Variants in ILRUN observed in about 807,000 individuals in gnomAD.
ILRUN encodes protein ILRUN.
Under a neutral mutation model 33.8 loss-of-function variants are expected in ILRUN, and 3 were observed. The ratio of observed to expected loss-of-function variants is 0.09; its 90% confidence interval spans 0.04 to 0.23. The LOEUF is 0.23. Ranked by LOEUF, ILRUN falls within the 10% of genes least tolerant of loss-of-function variation. ILRUN has a pLI of 1.00. For synonymous variants in ILRUN, 124 were observed against 138.9 expected (o/e 0.89, Z 0.75); for missense variants, 210 against 375.1 (o/e 0.56, Z 3.64).
chr6:34,659,431 C>T (rs1762842856), intron 1 of ILRUN, among the ~76,000 whole-genome samples: 1 of 152,072 alleles, frequency 6.6e-6, no homozygotes, highest in South Asian at 2.1e-4. Flanking sequence ...AAAGTTTTAA[C>T]CTACCCAGAA....
At chr6:34,631,213 T>G (rs377353289) in intron 3 of ILRUN, among the ~76,000 whole-genome samples, 2 of 152,278 alleles carry the variant, frequency 1.3e-5, no homozygotes, top group East Asian at 3.9e-4. Context: ...TAAAAGAAAC[T>G]GTAGTAAAGA....
intron 1 of ILRUN, among the ~76,000 whole-genome samples, chr6:34,678,836 C>CAAAAAAAAAAAAAAAAAAAAAAAA (rs767799882): frequency 4.2e-5 from 2 of 47,884 alleles, no homozygotes; most frequent in East Asian, 6.5e-4. Context: ...GACTCCGTCT[C>CAAAAAAAAAAAAAAAAAAAAAAAA]AAAAAAAAAA....
At chr6:34,627,230 A>G in intron 3 of ILRUN, among the ~76,000 whole-genome samples, 1 of 152,264 alleles carries the variant, frequency 6.6e-6, no homozygotes, top group Admixed American at 6.5e-5. Flanking sequence ...ATGTGCCTTA[A>G]TGGCTCATTT....
Position 34,696,651 on chromosome 6 carries a change from C to A in ILRUN, c.-48G>T. 1.3e-6 allele frequency: 2 copies of A among 1,566,562 alleles called. No homozygotes were observed. The highest frequency in any genetic ancestry group is 1.9e-5 in the Admixed American group (1 of 54,032). ...CCCCGCCTCTTCACAACCAAGCCGC[C>A]GCCGCGCCGCCGGGCCCGGGGACCT... On this transcript the variant is annotated 5_prime_UTR_variant, in exon 1 of 5. Transcript: ENST00000374023.
intron 3 of ILRUN, among the ~76,000 whole-genome samples, chr6:34,628,676 T>G (rs1222778193): frequency 1.3e-5 from 2 of 152,120 alleles, no homozygotes; most frequent in African/African-American, 4.8e-5. Flanking sequence ...AATATTTTGT[T>G]GAGGATATGT....
At chr6:34,672,135 C>T (rs977708797) in intron 1 of ILRUN, among the ~76,000 whole-genome samples, 16 of 151,836 alleles carry the variant, frequency 1.1e-4, no homozygotes, top group Non-Finnish European at 1.9e-4. Context: ...TGGAGTCTCG[C>T]TCTGTCGTTC....
chr6:34,650,411 ATTTATT>A (rs1562017804), intron 2 of ILRUN, among the ~76,000 whole-genome samples: 1 of 31,606 alleles, frequency 3.2e-5, no homozygotes, highest in African/African-American at 1.4e-4. Flanking sequence ...ATTTATTTTT[ATTTATT>A]TATTTATTTA....
At chr6:34,594,085 A>G (rs974749225) in intron 4 of ILRUN, among the ~76,000 whole-genome samples, 2 of 152,224 alleles carry the variant, frequency 1.3e-5, no homozygotes, top group South Asian at 2.1e-4. Flanking sequence ...GGCAATACAG[A>G]TAACATTCAC....
chr6:34,604,851 T>C (rs373994783), intron 4 of ILRUN, among the ~76,000 whole-genome samples: 32 of 152,336 alleles, frequency 2.1e-4, no homozygotes, highest in African/African-American at 7.5e-4. Context: ...CCTTCATTTA[T>C]GCTATTACTA....
At chr6:34,651,981 G>A (rs1010085007) in intron 2 of ILRUN, among the ~76,000 whole-genome samples, 4 of 151,608 alleles carry the variant, frequency 2.6e-5, no homozygotes, top group Non-Finnish European at 4.4e-5. Flanking sequence ...TTTAGTAGAC[G>A]GGGTTTTGCC....
intron 2 of ILRUN, among the ~76,000 whole-genome samples, chr6:34,651,781 C>A (rs1762675420): frequency 7.0e-6 from 1 of 142,016 alleles, no homozygotes; most frequent in African/African-American, 2.7e-5. Flanking sequence ...CTGGTAGATT[C>A]CAAAAAACTT....
At chr6:34,695,432 C>G (rs1400095843) in intron 1 of ILRUN, among the ~76,000 whole-genome samples, 1 of 152,210 alleles carries the variant, frequency 6.6e-6, no homozygotes, top group Non-Finnish European at 1.5e-5. Flanking sequence ...ATTCAGAGTA[C>G]AAGGGGAAGC....
At chr6:34,590,956 C>T (rs1582025778) in intron 4 of ILRUN, among the ~76,000 whole-genome samples, 1 of 152,328 alleles carries the variant, frequency 6.6e-6, no homozygotes, top group South Asian at 2.1e-4. Flanking sequence ...TGCTAAAGAT[C>T]CTTATATGCC....
intron 1 of ILRUN, among the ~76,000 whole-genome samples, chr6:34,689,870 T>C (rs1763611069): frequency 6.6e-6 from 1 of 151,842 alleles, no homozygotes; most frequent in Admixed American, 6.6e-5. Context: ...ATCTGTTCCA[T>C]CCATGGTGGA....
chr6:34,654,455 T>G (rs1762731287), intron 2 of ILRUN, among the ~76,000 whole-genome samples, 170 bp downstream of exon 2: 1 of 152,232 alleles, frequency 6.6e-6, no homozygotes, highest in South Asian at 2.1e-4. Context: ...GAGCAGGAGA[T>G]ATTTCACTAA....
At chr6:34,624,300 C>T (rs575874245) in intron 3 of ILRUN, among the ~76,000 whole-genome samples, 1 of 152,040 alleles carries the variant, frequency 6.6e-6, no homozygotes, top group South Asian at 2.1e-4. Context: ...TCTAGACTAC[C>T]AACTAATTAC....
intron 1 of ILRUN, among the ~76,000 whole-genome samples, chr6:34,663,485 A>G (rs1194729739): frequency 6.6e-6 from 1 of 152,144 alleles, no homozygotes; most frequent in Admixed American, 6.5e-5. Flanking sequence ...AAGGTTTCTA[A>G]AATTTTTGTC....
intron 3 of ILRUN, chr6:34,616,485 C>T (rs1484647272): frequency 4.1e-6 from 3 of 733,990 alleles, no homozygotes; most frequent in Non-Finnish European, 6.9e-6. Context: ...TGAAACATGC[C>T]CCAACAGTAG....
intron 1 of ILRUN, among the ~76,000 whole-genome samples, chr6:34,673,586 T>C (rs1266691953): frequency 1.3e-5 from 2 of 152,154 alleles, no homozygotes; most frequent in African/African-American, 4.8e-5. Flanking sequence ...ACAGTAAGAT[T>C]GGTGACACAT....
Sources: gnomAD v4.1 joint callset for allele counts (sites outside exome capture counted in the v4.1 genomes callset) on GRCh38, gnomAD v4.1.1 for gene constraint, MANE v1.5 for transcripts, NCBI Gene and HGNC (gene_info 2026-07-23, HGNC 2026-07-21) for gene names.